Variants in PRKG1 observed in about 807,000 individuals in gnomAD.
The protein encoded by PRKG1 is protein kinase cGMP-dependent 1.
PRKG1 carries 35 observed loss-of-function variants against 88.1 expected under a neutral mutation model. The ratio of observed to expected loss-of-function variants is 0.40; its 90% CI spans 0.30 to 0.53. The LOEUF is 0.53. PRKG1 is among the 20% of genes least tolerant of loss of function. The probability of loss-of-function intolerance (pLI) is 0.59; values close to 1 mark genes in which losing one functional copy is unlikely to be tolerated. For synonymous variants in PRKG1, 303 were observed against 292.5 expected (o/e 1.04, Z -0.37); for missense variants, 540 against 839.8 (o/e 0.64, Z 4.41).
At chr10:51,868,697 G>A (rs1841080676) in intron 4 of PRKG1, among the ~76,000 whole-genome samples, 1 of 152,000 alleles carries the variant, frequency 6.6e-6, no homozygotes, top group South Asian at 2.1e-4. Context: ...TTCAAGAAAA[G>A]CTATCTATTT....
chr10:52,087,658 C>G (rs1016464150), intron 7 of PRKG1, among the ~76,000 whole-genome samples: 1 of 152,104 alleles, frequency 6.6e-6, no homozygotes, highest in African/African-American at 2.4e-5. Context: ...CTGGTTTTAA[C>G]ACAAATAATA....
intron 2 of PRKG1, among the ~76,000 whole-genome samples, chr10:51,444,213 T>C (rs1302085151): frequency 6.6e-6 from 1 of 151,418 alleles, no homozygotes; most frequent in Non-Finnish European, 1.5e-5. Context: ...GGGCAGGGTC[T>C]GGGAAACAGT....
At chr10:51,382,502 C>T (rs544926854) in intron 2 of PRKG1, among the ~76,000 whole-genome samples, 5 of 152,238 alleles carry the variant, frequency 3.3e-5, no homozygotes, top group African/African-American at 7.2e-5. Context: ...GTAAACATAT[C>T]GTCAACTTTA....
intron 3 of PRKG1, among the ~76,000 whole-genome samples, chr10:51,648,578 T>C (rs1014838711): frequency 1.3e-5 from 2 of 152,178 alleles, no homozygotes; most frequent in Non-Finnish European, 2.9e-5. Context: ...TGGCACTAGA[T>C]ATTTTTTCTC....
At chr10:52,136,532 C>T (rs944180731) in intron 8 of PRKG1, among the ~76,000 whole-genome samples, 16 of 152,020 alleles carry the variant, frequency 1.1e-4, no homozygotes, top group Admixed American at 3.3e-4. Context: ...ACAGTGTACA[C>T]TGACAAGTGA....
intron 2 of PRKG1, among the ~76,000 whole-genome samples, chr10:51,274,247 A>C (rs1375941548): frequency 1.3e-5 from 2 of 152,160 alleles, no homozygotes; most frequent in African/African-American, 4.8e-5. Context: ...CAATGATAAA[A>C]CACTATGGTC....
intron 2 of PRKG1, among the ~76,000 whole-genome samples, chr10:51,215,102 G>A (rs1335809145): frequency 2.0e-5 from 3 of 152,132 alleles, no homozygotes; most frequent in Admixed American, 6.6e-5. Flanking sequence ...AAAACAATGC[G>A]AATCATCTAA....
At position 52,294,680 on chromosome 10, in the gene PRKG1, C is replaced by T. The variant is rs1842343999; in HGVS notation, c.*780C>T. The T allele has an allele frequency of 6.6e-6, 1 of 152,402 alleles. No homozygotes were observed. Among genetic ancestry groups the T allele is most frequent in the Admixed American group, 6.6e-5 (1 of 15,226 alleles). 9.4% of individuals were successfully genotyped at this position (152,402 alleles called of 1,614,324 possible). ...AAAAAAGCAATTCACAAAACCATTT[C>T]ATATTTTTTAAAATATTGTGCTTAA... On this transcript the variant is annotated 3_prime_UTR_variant, in exon 18 of 18. Transcript: ENST00000373980.
intron 1 of PRKG1, among the ~76,000 whole-genome samples, chr10:51,135,243 A>C (rs1845659991): frequency 6.6e-6 from 1 of 152,194 alleles, no homozygotes; most frequent in African/African-American, 2.4e-5. Flanking sequence ...AAATAAGCAG[A>C]TAATATGCCA....
At chr10:51,189,070 C>T (rs1028949371) in intron 2 of PRKG1, among the ~76,000 whole-genome samples, 12 of 151,780 alleles carry the variant, frequency 7.9e-5, no homozygotes, top group African/African-American at 2.9e-4. Flanking sequence ...AATAACAGTG[C>T]TATCATGAGG....
intron 1 of PRKG1, among the ~76,000 whole-genome samples, chr10:51,031,434 A>G (rs542541150): frequency 6.6e-6 from 1 of 152,346 alleles, no homozygotes; most frequent in Admixed American, 6.5e-5. Flanking sequence ...CAGCTTCTCA[A>G]CAAATGCTTT....
chr10:51,531,073 G>A (rs552368890), intron 3 of PRKG1, among the ~76,000 whole-genome samples: 1 of 152,164 alleles, frequency 6.6e-6, no homozygotes, highest in African/African-American at 2.4e-5. Context: ...TAGGTTAATA[G>A]CACAAAATTG....
intron 9 of PRKG1, among the ~76,000 whole-genome samples, chr10:52,247,371 CT>C (rs1174954565): frequency 2.0e-5 from 3 of 152,140 alleles, no homozygotes; most frequent in African/African-American, 7.2e-5. Flanking sequence ...TTGCATGAAA[CT>C]GGGCCTAATT....
chr10:52,204,099 TATTA>T (rs751723151), intron 9 of PRKG1, among the ~76,000 whole-genome samples: 1,350 of 63,788 alleles, frequency 0.021, 33 homozygotes, highest in Admixed American at 0.16. Flanking sequence ...TTATTATTAT[TATTA>T]TTATTTTTTG....
chr10:51,566,855 A>G (rs144360473), intron 3 of PRKG1, among the ~76,000 whole-genome samples: 192 of 152,026 alleles, frequency 1.3e-3, no homozygotes, highest in African/African-American at 4.2e-3. Context: ...TATGATAAGG[A>G]CACCCCATTG....
chr10:52,169,656 A>T (rs1838603486), intron 9 of PRKG1, among the ~76,000 whole-genome samples: 1 of 152,242 alleles, frequency 6.6e-6, no homozygotes, highest in South Asian at 2.1e-4. Flanking sequence ...TGGATTTAGC[A>T]AACCAGTGGG....
chr10:52,227,151 C>T (rs1840408541), intron 9 of PRKG1, among the ~76,000 whole-genome samples: 1 of 152,112 alleles, frequency 6.6e-6, no homozygotes, highest in African/African-American at 2.4e-5. Flanking sequence ...ATAGAAGAAG[C>T]TATTTCCAAA....
intron 10 of PRKG1, 138 bp downstream of exon 10, chr10:52,251,804 C>G (rs1424273230): frequency 1.4e-6 from 1 of 724,802 alleles, no homozygotes. Context: ...GTTCCAAATA[C>G]TTTGCGGCAG....
chr10:51,518,969 A>G (rs1841665348), intron 3 of PRKG1, among the ~76,000 whole-genome samples: 1 of 152,210 alleles, frequency 6.6e-6, no homozygotes, highest in Non-Finnish European at 1.5e-5. Context: ...AACTTGCTTA[A>G]GTTAGAGCCT....
Sources: allele counts gnomAD v4.1 joint callset (sites outside exome capture counted in the v4.1 genomes callset), GRCh38; gene constraint gnomAD v4.1.1; transcripts MANE v1.5; gene names NCBI Gene and HGNC (gene_info 2026-07-23, HGNC 2026-07-21).